NBEA: variants seen among roughly 807,000 people sequenced by gnomAD.
The protein encoded by NBEA is lysosomal-trafficking regulator 2.
Under a neutral mutation model 343.4 loss-of-function variants are expected in NBEA, and 44 were observed. The observed-to-expected ratio is 0.13, with a 90% CI of 0.10 to 0.16. The LOEUF is 0.16. Ranked by LOEUF, NBEA falls within the 10% of genes least tolerant of loss-of-function variation. The pLI is 1.00. For synonymous variants in NBEA, 1,175 were observed against 1,238.7 expected (o/e 0.95, Z 1.08); for missense variants, 2,555 against 3,631.3 (o/e 0.70, Z 7.62).
chr13:35,279,519 A>C (rs142663827), intron 34 of NBEA, among the ~76,000 whole-genome samples: 10 of 152,366 alleles, frequency 6.6e-5, no homozygotes, highest in African/African-American at 2.4e-4. Flanking sequence ...TAAAATATTT[A>C]GAGGAATGTA....
rs570076326 is a variant in NBEA at position 35,155,421 on chromosome 13, C to A, written c.2446-353C>A. ...GGTGGATCATCTGAGGTCAGGAGTT[C>A]GAGACCAGCCTGATCAATATGGTGA... On this transcript the variant is annotated intron_variant, in intron 18 of 58. Coordinates refer to ENST00000379939, the MANE Select transcript of NBEA (RefSeq NM_001385012.1). 5.9e-5 allele frequency among the ~76,000 whole-genome samples: 9 copies of A among 152,058 alleles called. No homozygotes were observed. The South Asian group carries it at 1.9e-3, about 32-fold the overall frequency.
intron 39 of NBEA, among the ~76,000 whole-genome samples, chr13:35,447,321 G>T (rs1323517844): frequency 6.6e-6 from 1 of 151,938 alleles, no homozygotes; most frequent in Non-Finnish European, 1.5e-5. Flanking sequence ...AATAATACTG[G>T]AATATAGTAA....
intron 36 of NBEA, among the ~76,000 whole-genome samples, chr13:35,324,932 A>T (rs2038436214): frequency 5.3e-5 from 8 of 152,158 alleles, no homozygotes; most frequent in Admixed American, 5.2e-4. Flanking sequence ...TTAGAACAAC[A>T]GAAAATACCT....
rs1322826159 is a variant in NBEA, at chr13:35,173,550, C to A, written c.4510C>A (p.Pro1504Thr). 1.2e-6 allele frequency: 2 copies of A among 1,611,918 alleles called. No homozygotes were observed. The highest frequency in any genetic ancestry group is 1.7e-6 in the Non-Finnish European group (2 of 1,178,732). The change falls in exon 27 of 59, where the codon CCT (proline) becomes ACT (threonine). Residue 1504 changes from proline to threonine, a missense_variant. By Grantham distance (38) the Pro-to-Thr change is conservative (BLOSUM62 -1). Coordinates refer to ENST00000379939, the MANE Select transcript of NBEA (RefSeq NM_001385012.1). ...GNKSSHGSSK[P>T]QEVPQSVTAT... ...TAAATCTTCCCATGGAAGCAGTAAA[C>A]CTCAGGAAGTTCCTCAAAGTGTGAC... is the stretch of plus-strand genomic sequence containing the variant.
chr13:35,059,141 T>C (rs2063372437), intron 8 of NBEA, among the ~76,000 whole-genome samples: 1 of 152,000 alleles, frequency 6.6e-6, no homozygotes, highest in Non-Finnish European at 1.5e-5. Context: ...CTTAATGTAG[T>C]ATTTAAAATA....
At chr13:35,627,215 A>G (rs1331075948) in intron 48 of NBEA, among the ~76,000 whole-genome samples, 1 of 152,314 alleles carries the variant, frequency 6.6e-6, no homozygotes, top group African/African-American at 2.4e-5. Context: ...TGGCTCTGCA[A>G]TAGCTGAAAT....
intron 41 of NBEA, among the ~76,000 whole-genome samples, chr13:35,544,279 T>G (rs552906922): frequency 7.5e-4 from 114 of 152,258 alleles, no homozygotes; most frequent in African/African-American, 2.7e-3. Flanking sequence ...AAAATTTAGA[T>G]TTTTTTCGTA....
chr13:34,944,597 C>G (rs927112268), intron 1 of NBEA, among the ~76,000 whole-genome samples: 5 of 152,132 alleles, frequency 3.3e-5, no homozygotes, highest in Non-Finnish European at 5.9e-5. Context: ...TTTCAGAACA[C>G]TACTAGAAAT....
At chr13:35,265,379 T>C (rs1452041229) in intron 34 of NBEA, among the ~76,000 whole-genome samples, 1 of 151,778 alleles carries the variant, frequency 6.6e-6, no homozygotes, top group African/African-American at 2.4e-5. Flanking sequence ...TTCTAAAATA[T>C]GTATGGAACC....
rs746440607 is a variant in NBEA, at chr13:34,942,878, A to C, written c.58A>C (p.Ile20Leu). ...GCTCGAGCCTCAGCCCGTGGGGCTC[A>C]TTGCCGTCGGGGCCGCTGGCGGAGG... is the stretch of plus-strand genomic sequence containing the variant. ...PGLEPQPVGL[I>L]AVGAAGGGGG... is the part of the protein sequence containing the mutation. Residue 20 changes from isoleucine to leucine, a missense_variant, in exon 1 of 59, where the codon ATT becomes CTT. Physicochemically the swap from Ile to Leu is conservative, Grantham distance 5. Coordinates refer to ENST00000379939, the MANE Select transcript of NBEA (RefSeq NM_001385012.1). 2.3e-5 allele frequency: 33 copies of C among 1,432,120 alleles called. No individual in the cohort carries two copies. The South Asian group carries it at 2.5e-4, about 11-fold the overall frequency. The allele number at this position is 1,432,120 out of a possible 1,614,324, so 88.7% of individuals were successfully genotyped here.
chr13:35,072,913 C>G (rs777334891), intron 10 of NBEA, among the ~76,000 whole-genome samples: 2 of 152,094 alleles, frequency 1.3e-5, no homozygotes, highest in Non-Finnish European at 2.9e-5. Flanking sequence ...TACTGCTTTC[C>G]TCTTTAATAC....
At chr13:35,296,054 A>G (rs1197054277) in intron 35 of NBEA, among the ~76,000 whole-genome samples, 1 of 152,168 alleles carries the variant, frequency 6.6e-6, no homozygotes, top group African/African-American at 2.4e-5. Context: ...TATAGAGGTA[A>G]TAGTTTATGA....
At chr13:35,520,530 G>A (rs1042374574) in intron 41 of NBEA, among the ~76,000 whole-genome samples, 7 of 152,120 alleles carry the variant, frequency 4.6e-5, no homozygotes, top group South Asian at 2.1e-4. Flanking sequence ...TGATGCTAGC[G>A]AGGAAAAGGT....
chr13:35,367,687 T>G (rs778759536), intron 38 of NBEA, among the ~76,000 whole-genome samples: 3 of 151,400 alleles, frequency 2.0e-5, no homozygotes, highest in African/African-American at 7.2e-5. Context: ...AAATAGAATT[T>G]TTATGCCTGT....
intron 47 of NBEA, 85 bp downstream of exon 47, chr13:35,593,532 T>C: frequency 2.1e-6 from 2 of 960,762 alleles, no homozygotes; most frequent in South Asian, 3.7e-5. Flanking sequence ...TATAAGACAT[T>C]TTATATTGCA....
intron 11 of NBEA, 62 bp downstream of exon 11, chr13:35,098,467 T>A: frequency 1.6e-6 from 2 of 1,232,202 alleles, no homozygotes; most frequent in Non-Finnish European, 2.3e-6. Context: ...TGTTAATCAC[T>A]AATTTTTTTT....
chr13:35,370,129 G>A (rs890666673), intron 38 of NBEA, among the ~76,000 whole-genome samples: 1 of 151,908 alleles, frequency 6.6e-6, no homozygotes, highest in African/African-American at 2.4e-5. Flanking sequence ...GTAGGGTGTT[G>A]AAATTCCTAA....
chr13:35,516,169 C>T (rs1010259265), intron 41 of NBEA, among the ~76,000 whole-genome samples: 5 of 152,130 alleles, frequency 3.3e-5, no homozygotes, highest in African/African-American at 1.2e-4. Context: ...GATACTCACT[C>T]AAAGATTAAT....
intron 17 of NBEA, among the ~76,000 whole-genome samples, chr13:35,140,857 C>T (rs2068048903): frequency 6.6e-6 from 1 of 152,080 alleles, no homozygotes. Context: ...CACTTAAAAT[C>T]CAAATAGGTT....
Sources: allele counts gnomAD v4.1 joint callset (sites outside exome capture counted in the v4.1 genomes callset), GRCh38; gene constraint gnomAD v4.1.1; transcripts MANE v1.5; gene names NCBI Gene and HGNC (gene_info 2026-07-23, HGNC 2026-07-21).